The following NLGN1 variants were observed in gnomAD, a reference collection of about 807,000 sequenced individuals.
The protein encoded by NLGN1 is neuroligin 1.
NLGN1 carries 12 observed loss-of-function variants against 65.5 expected under a neutral mutation model. The ratio of observed to expected loss-of-function variants is 0.18; its 90% CI spans 0.12 to 0.30. The LOEUF is 0.30. NLGN1 is among the 10% of genes least tolerant of loss of function. The pLI is 1.00. For missense variants in NLGN1, 750 were observed against 1,007.1 expected, an observed-to-expected ratio of 0.74 and a Z score of 3.46; for synonymous variants, 350 against 359.5, an observed-to-expected ratio of 0.97 and a Z score of 0.30.
intron 1 of NLGN1, among the ~76,000 whole-genome samples, chr3:173,430,782 T>C (rs1168007537): frequency 1.3e-5 from 2 of 152,212 alleles, no homozygotes; most frequent in Admixed American, 6.5e-5. Context: ...TCTCTTCTTC[T>C]CTGCTTCCCA....
chr3:173,521,759 G>A (rs1006543761), intron 2 of NLGN1, among the ~76,000 whole-genome samples: 7 of 151,998 alleles, frequency 4.6e-5, no homozygotes, highest in Non-Finnish European at 8.8e-5. Context: ...TTACATACTC[G>A]TTTAATCTTC....
At chr3:173,947,424 T>C (rs1384291575) in intron 4 of NLGN1, among the ~76,000 whole-genome samples, 1 of 152,194 alleles carries the variant, frequency 6.6e-6, no homozygotes, top group Non-Finnish European at 1.5e-5. Context: ...GCACTGTCCT[T>C]AGCACTTTGT....
intron 3 of NLGN1, among the ~76,000 whole-genome samples, chr3:173,744,588 A>G (rs1349681841): frequency 6.6e-6 from 1 of 152,168 alleles, no homozygotes; most frequent in Non-Finnish European, 1.5e-5. Context: ...GATCCGAGAG[A>G]TAAGTAGGAG....
chr3:174,081,144 C>T (rs1742101996), intron 4 of NLGN1, among the ~76,000 whole-genome samples: 1 of 151,922 alleles, frequency 6.6e-6, no homozygotes, highest in African/African-American at 2.4e-5. Flanking sequence ...ATACACTTAC[C>T]CATGACTTAT....
exon 7 of NLGN1, chr3:174,281,375 A>C: frequency 1.1e-6 from 1 of 929,114 alleles, no homozygotes; most frequent in Non-Finnish European, 1.7e-6. Flanking sequence ...CTTGGCTTTC[A>C]ACCTACAAGA....
intron 4 of NLGN1, among the ~76,000 whole-genome samples, chr3:173,889,716 T>C (rs1475951645): frequency 6.6e-6 from 1 of 152,100 alleles, no homozygotes; most frequent in Non-Finnish European, 1.5e-5. Context: ...ATGATAGTTG[T>C]TTGCCTGCCA....
intron 4 of NLGN1, among the ~76,000 whole-genome samples, chr3:173,831,983 A>G (rs1473324124): frequency 6.6e-6 from 1 of 151,576 alleles, no homozygotes; most frequent in Non-Finnish European, 1.5e-5. Flanking sequence ...TTTGACATAT[A>G]GTCTTACTTT....
intron 4 of NLGN1, among the ~76,000 whole-genome samples, chr3:174,205,356 TACTC>T (rs1265972441): frequency 9.9e-5 from 15 of 152,036 alleles, no homozygotes; most frequent in Non-Finnish European, 1.5e-4. Flanking sequence ...AGATTTGCAT[TACTC>T]ACTCTTACTT....
At chr3:173,418,156 TTAA>T (rs1397446203) in intron 1 of NLGN1, among the ~76,000 whole-genome samples, 1 of 150,008 alleles carries the variant, frequency 6.7e-6, no homozygotes, top group East Asian at 1.9e-4. Context: ...CTTTCACATA[TTAA>T]TATGTGAAAT....
At chr3:173,483,951 C>G (rs1181096073) in intron 2 of NLGN1, among the ~76,000 whole-genome samples, 1 of 152,106 alleles carries the variant, frequency 6.6e-6, no homozygotes, top group Non-Finnish European at 1.5e-5. Context: ...GTCAGCAGTA[C>G]ATGAGAGTTA....
In NLGN1 at chr3:174,116,343, T is replaced by C. The variant is rs866244590; in HGVS notation, c.647-158972T>C. Among the ~76,000 whole-genome samples, 95 of 138,516 alleles carry C rather than the reference T, an allele frequency of 6.9e-4. 2 individuals carry two copies. Among genetic ancestry groups the C allele is most frequent in the African/African-American group, 2.0e-3 (76 of 37,208 alleles). The allele number at this position is 138,516 out of a possible 152,430, so 90.9% of individuals were successfully genotyped here. On this transcript the variant is annotated intron_variant, in intron 4 of 6. Transcript: ENST00000457714. ...TTTCTGGGTTTTCTTTTTTTTTTTT[T>C]TTTTTTTTTTTTTTGAGACAGTCTC... is the stretch of plus-strand genomic sequence containing the variant.
intron 3 of NLGN1, among the ~76,000 whole-genome samples, chr3:173,699,947 G>A (rs1046118116): frequency 6.6e-6 from 1 of 152,214 alleles, no homozygotes; most frequent in African/African-American, 2.4e-5. Flanking sequence ...GTGCACTGGA[G>A]CATAATTTAT....
At chr3:173,944,720 T>C (rs1262716099) in intron 4 of NLGN1, among the ~76,000 whole-genome samples, 1 of 152,234 alleles carries the variant, frequency 6.6e-6, no homozygotes, top group Non-Finnish European at 1.5e-5. Flanking sequence ...GCCTAGCTTT[T>C]TGAGTACATC....
chr3:173,755,060 A>G (rs1461965817), intron 3 of NLGN1, among the ~76,000 whole-genome samples: 1 of 152,148 alleles, frequency 6.6e-6, no homozygotes. Flanking sequence ...GTAAGAGAGA[A>G]CATCATTTGA....
At chr3:173,489,031 C>A (rs1728629179) in intron 2 of NLGN1, among the ~76,000 whole-genome samples, 1 of 151,642 alleles carries the variant, frequency 6.6e-6, no homozygotes, top group African/African-American at 2.4e-5. Flanking sequence ...TTCTTCTCAA[C>A]CCCCTGTTCA....
intron 1 of NLGN1, among the ~76,000 whole-genome samples, chr3:173,428,159 C>CT (rs912052787): frequency 9.2e-5 from 14 of 151,466 alleles, no homozygotes; most frequent in Admixed American, 5.9e-4. Flanking sequence ...TGTATGGAAT[C>CT]TTTTTTTTCT....
chr3:173,994,691 T>G (rs1721909221), intron 4 of NLGN1, among the ~76,000 whole-genome samples: 1 of 152,018 alleles, frequency 6.6e-6, no homozygotes, highest in Non-Finnish European at 1.5e-5. Context: ...TCTACTAGCG[T>G]CTAATTTTTT....
intron 2 of NLGN1, among the ~76,000 whole-genome samples, chr3:173,557,876 G>A (rs1195643735): frequency 2.0e-5 from 3 of 151,972 alleles, no homozygotes; most frequent in South Asian, 2.1e-4. Context: ...TTTCTACCTG[G>A]CATCAGTTCC....
intron 4 of NLGN1, 29 bp from the exon 5 acceptor site, chr3:174,275,286 A>G: frequency 6.4e-7 from 1 of 1,552,280 alleles, no homozygotes; most frequent in South Asian, 1.1e-5. Flanking sequence ...GTCAGCTCAA[A>G]ACGTGTTTTC....
Sources: gnomAD v4.1 joint callset for allele counts (sites outside exome capture counted in the v4.1 genomes callset) on GRCh38, gnomAD v4.1.1 for gene constraint, MANE v1.5 for transcripts, NCBI Gene and HGNC (gene_info 2026-07-23, HGNC 2026-07-21) for gene names.